Variants in CACNA1E observed in about 807,000 individuals in gnomAD.
CACNA1E encodes voltage-dependent R-type calcium channel subunit alpha-1E.
A neutral mutation model predicts 259.2 loss-of-function variants in CACNA1E; 40 were observed. The ratio of observed to expected loss-of-function variants is 0.15; its 90% confidence interval spans 0.12 to 0.20. CACNA1E has a LOEUF of 0.20. CACNA1E is among the 10% of genes least tolerant of loss of function. CACNA1E has a pLI of 1.00. For missense variants in CACNA1E, 1,874 were observed against 3,040.1 expected, an observed-to-expected ratio of 0.62 and a Z score of 9.02; for synonymous variants, 1,104 against 1,138.5, an observed-to-expected ratio of 0.97 and a Z score of 0.61.
At chr1:181,356,696 C>G (rs1273782325) in intron 1 of CACNA1E, among the ~76,000 whole-genome samples, 1 of 152,220 alleles carries the variant, frequency 6.6e-6, no homozygotes, top group Non-Finnish European at 1.5e-5. Context: ...TTGGAGGAAG[C>G]TGCGGCGGTG....
chr1:181,347,690 A>G (rs1364312958), intron 1 of CACNA1E, among the ~76,000 whole-genome samples: 4 of 152,148 alleles, frequency 2.6e-5, no homozygotes, highest in Non-Finnish European at 5.9e-5. Context: ...GGGGCTTGTG[A>G]CAGTCTAAAC....
chr1:181,597,712 C>T (rs957692600), intron 6 of CACNA1E, among the ~76,000 whole-genome samples: 1 of 152,198 alleles, frequency 6.6e-6, no homozygotes, highest in Non-Finnish European at 1.5e-5. Flanking sequence ...TTTAATTTGA[C>T]TTACAGTTCC....
chr1:181,432,371 A>T (rs181796416), intron 2 of CACNA1E, among the ~76,000 whole-genome samples: 1 of 152,298 alleles, frequency 6.6e-6, no homozygotes, highest in East Asian at 1.9e-4. Flanking sequence ...GTTAATAAAA[A>T]AATTTTTTAA....
intron 16 of CACNA1E, among the ~76,000 whole-genome samples, chr1:181,722,559 TA>T (rs1214881154): frequency 1.3e-5 from 2 of 152,234 alleles, no homozygotes; most frequent in Non-Finnish European, 2.9e-5. Flanking sequence ...TTGGGAAAGT[TA>T]CTTAATGACT....
At chr1:181,673,599 G>T (rs541076137) in intron 7 of CACNA1E, among the ~76,000 whole-genome samples, 1 of 152,298 alleles carries the variant, frequency 6.6e-6, no homozygotes, top group South Asian at 2.1e-4. Context: ...CAGAATTCAG[G>T]ACTAGAGTGA....
At chr1:181,696,042 C>T (rs959363838) in intron 7 of CACNA1E, among the ~76,000 whole-genome samples, 21 of 151,882 alleles carry the variant, frequency 1.4e-4, no homozygotes, top group Non-Finnish European at 2.2e-4. Flanking sequence ...CGAATTCAGG[C>T]GAGACAAATG....
intron 7 of CACNA1E, among the ~76,000 whole-genome samples, chr1:181,697,588 A>T (rs1021288747): frequency 6.6e-6 from 1 of 152,244 alleles, no homozygotes; most frequent in Non-Finnish European, 1.5e-5. Flanking sequence ...GCTTCTAAAC[A>T]TTACCAGTCT....
chr1:181,479,927 A>G (rs1663119066), upstream of CACNA1E, among the ~76,000 whole-genome samples: 1 of 152,138 alleles, frequency 6.6e-6, no homozygotes, highest in South Asian at 2.1e-4. Context: ...AGAAGTTTGG[A>G]GTCAGGCTCA....
intron 6 of CACNA1E, among the ~76,000 whole-genome samples, chr1:181,629,637 TG>T (rs566389437): frequency 0.01 from 1,581 of 151,548 alleles, 21 homozygotes; most frequent in African/African-American, 0.033. Context: ...AAATGACACG[TG>T]AAAAAAATTC....
intron 1 of CACNA1E, among the ~76,000 whole-genome samples, chr1:181,500,075 G>A (rs987601093): frequency 6.6e-6 from 1 of 152,222 alleles, no homozygotes; most frequent in East Asian, 1.9e-4. Flanking sequence ...GTGATGAGGG[G>A]GATGGACCAG....
intron 7 of CACNA1E, among the ~76,000 whole-genome samples, chr1:181,665,761 A>G (rs1016195124): frequency 5.9e-5 from 9 of 152,162 alleles, no homozygotes; most frequent in African/African-American, 2.2e-4. Flanking sequence ...AAAAATAAAA[A>G]CAAATGAAAA....
At chr1:181,513,215 GA>G (rs947437944) in intron 3 of CACNA1E, among the ~76,000 whole-genome samples, 22 of 151,710 alleles carry the variant, frequency 1.5e-4, no homozygotes, top group South Asian at 2.1e-4. Flanking sequence ...GTCAAAAGAA[GA>G]AAAAAAAATT....
At chr1:181,688,798 C>T (rs1209950554) in intron 7 of CACNA1E, among the ~76,000 whole-genome samples, 1 of 152,172 alleles carries the variant, frequency 6.6e-6, no homozygotes, top group Non-Finnish European at 1.5e-5. Flanking sequence ...CTCTCCATTT[C>T]CCCTTCCCAC....
intron 1 of CACNA1E, among the ~76,000 whole-genome samples, chr1:181,339,104 A>C (rs957304524): frequency 2.6e-5 from 4 of 152,152 alleles, no homozygotes; most frequent in African/African-American, 9.7e-5. Context: ...TGATGCTTCC[A>C]ACTTTATTTT....
intron 7 of CACNA1E, among the ~76,000 whole-genome samples, chr1:181,702,254 C>G (rs1195453331): frequency 6.6e-6 from 1 of 152,030 alleles, no homozygotes; most frequent in Non-Finnish European, 1.5e-5. Context: ...ATGCATGTCT[C>G]TCTTACACTC....
At chr1:181,386,826 T>C (rs2102018668) in intron 1 of CACNA1E, among the ~76,000 whole-genome samples, 1 of 152,314 alleles carries the variant, frequency 6.6e-6, no homozygotes, top group South Asian at 2.1e-4. Flanking sequence ...CTGAAGCCTC[T>C]TGTACTGACT....
intron 1 of CACNA1E, among the ~76,000 whole-genome samples, chr1:181,489,704 G>A (rs7521268): frequency 0.1 from 15,325 of 152,130 alleles, 823 homozygotes; most frequent in African/African-American, 0.14. Context: ...AATGCTGAAC[G>A]ACTAGGCTAA....
chr1:181,739,139 T>C lies in CACNA1E; in HGVS notation c.3613-8T>C, dbSNP rs373585415. ...TGGCTCACTGTGGCTGTTCATATCC[T>C]TCTGCAGATGATAGACCAAGGCTTG... On this transcript the variant is annotated splice_region_variant and splice_polypyrimidine_tract_variant and intron_variant, in intron 24 of 47. Transcript: ENST00000367573. 2 of 1,563,994 alleles carry C rather than the reference T, an allele frequency of 1.3e-6. No homozygotes were observed. Among genetic ancestry groups the C allele is most frequent in the African/African-American group, 1.4e-5 (1 of 73,952 alleles).
intron 1 of CACNA1E, among the ~76,000 whole-genome samples, chr1:181,339,101 T>C (rs1042395769): frequency 1.7e-4 from 26 of 152,298 alleles, no homozygotes; most frequent in African/African-American, 5.8e-4. Context: ...GTATGATGCT[T>C]CCAACTTTAT....
Sources: allele counts gnomAD v4.1 joint callset (sites outside exome capture counted in the v4.1 genomes callset), GRCh38; gene constraint gnomAD v4.1.1; transcripts MANE v1.5; gene names NCBI Gene and HGNC (gene_info 2026-07-23, HGNC 2026-07-21).